PTPRD: variants seen among roughly 807,000 people sequenced by gnomAD.
The protein encoded by PTPRD is protein tyrosine phosphatase receptor type D.
A neutral mutation model predicts 214.5 loss-of-function variants in PTPRD; 34 were observed. That is an observed-to-expected ratio of 0.16 (90% CI 0.12 to 0.21). The LOEUF (loss-of-function observed/expected upper bound fraction) is 0.21, where lower values mean the gene tolerates loss of function less well. Ranked by LOEUF, PTPRD falls within the 10% of genes least tolerant of loss-of-function variation. PTPRD has a pLI of 1.00. For synonymous variants in PTPRD, 1,128 were observed against 845.7 expected (o/e 1.33, Z -5.79); for missense variants, 2,545 against 2,398.7 (o/e 1.06, Z -1.27).
chr9:9,386,589 G>C (rs191003606), intron 9 of PTPRD, among the ~76,000 whole-genome samples: 5 of 152,062 alleles, frequency 3.3e-5, no homozygotes, highest in African/African-American at 7.2e-5. Flanking sequence ...ATTTGTAGAG[G>C]AGGAGGTGAG....
At chr9:9,431,055 G>C (rs370222035) in intron 8 of PTPRD, among the ~76,000 whole-genome samples, 11 of 152,248 alleles carry the variant, frequency 7.2e-5, no homozygotes, top group Middle Eastern at 3.4e-3. Context: ...TGACAAATGG[G>C]ATCTAATTAA....
At chr9:10,170,556 A>G (rs1034893342) in intron 3 of PTPRD, among the ~76,000 whole-genome samples, 1 of 151,968 alleles carries the variant, frequency 6.6e-6, no homozygotes, top group Non-Finnish European at 1.5e-5. Context: ...GCGTGGTGGC[A>G]GGCGCCTGTA....
In PTPRD at chr9:9,137,699, T is replaced by C. The variant is rs578007017; in HGVS notation, c.-143+45605A>G. ...ATGTTAATCAAATCAAAATTAATCA[T>C]TACTGTACTCTCACAGGACATTGTA... On this transcript the variant is annotated intron_variant, in intron 10 of 45. Coordinates refer to ENST00000381196, the MANE Select transcript of PTPRD (RefSeq NM_002839.4). Among the ~76,000 whole-genome samples, 782 of 152,290 alleles carry C rather than the reference T, an allele frequency of 5.1e-3. 5 individuals are homozygous for C. The highest frequency in any genetic ancestry group is 9.4e-3 in the Non-Finnish European group (639 of 67,998).
chr9:10,425,588 C>G (rs1480269378), intron 2 of PTPRD, among the ~76,000 whole-genome samples: 1 of 151,944 alleles, frequency 6.6e-6, no homozygotes, highest in East Asian at 1.9e-4. Context: ...AAACTCATTT[C>G]AAACAAAATG....
intron 4 of PTPRD, among the ~76,000 whole-genome samples, chr9:10,030,982 G>GA (rs2097054814): frequency 6.6e-6 from 1 of 152,140 alleles, no homozygotes; most frequent in East Asian, 1.9e-4. Context: ...TTTGTGAAGT[G>GA]AATGACTACT....
At chr9:8,691,486 G>C (rs993430081) in intron 12 of PTPRD, among the ~76,000 whole-genome samples, 1 of 133,788 alleles carries the variant, frequency 7.5e-6, no homozygotes, top group Non-Finnish European at 1.5e-5. Context: ...ACATACAAAG[G>C]AGAAAAAAAA....
At chr9:10,582,573 A>T (rs1012640969) in intron 2 of PTPRD, among the ~76,000 whole-genome samples, 1 of 152,212 alleles carries the variant, frequency 6.6e-6, no homozygotes, top group Non-Finnish European at 1.5e-5. Context: ...AGTTTCCTCT[A>T]CTACATATCT....
At chr9:8,533,853 C>T (rs2076292231) in intron 14 of PTPRD, among the ~76,000 whole-genome samples, 1 of 152,004 alleles carries the variant, frequency 6.6e-6, no homozygotes, top group Non-Finnish European at 1.5e-5. Context: ...AGGTATCTCT[C>T]AATTCCTCCT....
intron 5 of PTPRD, among the ~76,000 whole-genome samples, chr9:9,877,426 T>G (rs1378216470): frequency 1.3e-5 from 2 of 151,548 alleles, no homozygotes; most frequent in Non-Finnish European, 2.9e-5. Flanking sequence ...AAACTTTAAT[T>G]TGTGATATGG....
At chr9:10,136,297 C>A (rs3906095) in intron 3 of PTPRD, among the ~76,000 whole-genome samples, 8 of 151,976 alleles carry the variant, frequency 5.3e-5, no homozygotes, top group Admixed American at 3.9e-4. Flanking sequence ...GGGACTTCAA[C>A]GTTCCACTAA....
At chr9:8,753,294 A>T (rs192988270) in intron 11 of PTPRD, among the ~76,000 whole-genome samples, 5 of 152,300 alleles carry the variant, frequency 3.3e-5, no homozygotes, top group South Asian at 4.1e-4. Flanking sequence ...GATATAATGG[A>T]AGTGACGTAT....
chr9:8,727,025 T>A (rs1352754134), intron 12 of PTPRD, among the ~76,000 whole-genome samples: 1 of 151,352 alleles, frequency 6.6e-6, no homozygotes, highest in Non-Finnish European at 1.5e-5. Context: ...AGAAACAGAA[T>A]GAGAGGAAAA....
chr9:10,298,652 C>G (rs1347201832), intron 3 of PTPRD, among the ~76,000 whole-genome samples: 2 of 151,862 alleles, frequency 1.3e-5, no homozygotes, highest in Non-Finnish European at 2.9e-5. Flanking sequence ...GATTGTGATG[C>G]CTTCTTTCAA....
intron 21 of PTPRD, among the ~76,000 whole-genome samples, chr9:8,508,127 C>T (rs556246400): frequency 1.3e-5 from 2 of 152,226 alleles, no homozygotes; most frequent in African/African-American, 2.4e-5. Context: ...TAAACTACTA[C>T]AAAAATTAAG....
At chr9:9,769,789 G>A (rs1162260901) in intron 5 of PTPRD, among the ~76,000 whole-genome samples, 1 of 151,916 alleles carries the variant, frequency 6.6e-6, no homozygotes, top group African/African-American at 2.4e-5. Context: ...GCCCCGGTGT[G>A]TGATGTTCCC....
intron 11 of PTPRD, among the ~76,000 whole-genome samples, chr9:8,764,495 C>G (rs1450607096): frequency 2.0e-5 from 3 of 152,022 alleles, no homozygotes; most frequent in Non-Finnish European, 4.4e-5. Context: ...TTATGGGACA[C>G]TCTAAAGAAT....
At chr9:9,903,430 A>G (rs968811820) in intron 5 of PTPRD, among the ~76,000 whole-genome samples, 1 of 152,118 alleles carries the variant, frequency 6.6e-6, no homozygotes, top group Admixed American at 6.6e-5. Context: ...CAGTTTCACA[A>G]GTTGGTGAGA....
chr9:9,833,753 A>G (rs1442206268), intron 5 of PTPRD, among the ~76,000 whole-genome samples: 2 of 151,780 alleles, frequency 1.3e-5, no homozygotes, highest in Admixed American at 1.3e-4. Flanking sequence ...GCTGAGAAAA[A>G]GAATTCAGCA....
chr9:10,410,200 C>G (rs1676816239), intron 2 of PTPRD, among the ~76,000 whole-genome samples: 1 of 145,836 alleles, frequency 6.9e-6, no homozygotes, highest in African/African-American at 2.5e-5. Context: ...TTTCTAAAGA[C>G]TTTCATTAAA....
Sources: gnomAD v4.1 joint callset for allele counts (sites outside exome capture counted in the v4.1 genomes callset) on GRCh38, gnomAD v4.1.1 for gene constraint, MANE v1.5 for transcripts, NCBI Gene and HGNC (gene_info 2026-07-23, HGNC 2026-07-21) for gene names.